The following KAZN variants were observed in gnomAD, a reference collection of about 807,000 sequenced individuals.
KAZN encodes kazrin.
In KAZN, 40 loss-of-function variants were observed where a neutral mutation model predicts 87.4. The observed-to-expected ratio is 0.46, with a 90% CI of 0.36 to 0.60. The LOEUF (loss-of-function observed/expected upper bound fraction) is 0.60. KAZN is among the 20% of genes least tolerant of loss of function. The probability of loss-of-function intolerance (pLI) is 0.00; values close to 1 mark genes in which losing one functional copy is unlikely to be tolerated. For missense variants in KAZN, 898 were observed against 1,073.9 expected (o/e 0.84, Z 2.29); for synonymous variants, 466 against 458.3 (o/e 1.02, Z -0.22).
intron 1 of KAZN, among the ~76,000 whole-genome samples, chr1:14,649,068 C>G (rs1490154007): frequency 6.6e-6 from 1 of 152,202 alleles, no homozygotes; most frequent in African/African-American, 2.4e-5. Context: ...GATTTGTTTG[C>G]CACTGGATCT....
intron 1 of KAZN, among the ~76,000 whole-genome samples, chr1:14,746,227 G>A (rs1408589151): frequency 1.3e-5 from 2 of 152,116 alleles, no homozygotes; most frequent in African/African-American, 4.8e-5. Context: ...GATAGATGGT[G>A]TTCTCTTGAT....
intron 2 of KAZN, among the ~76,000 whole-genome samples, chr1:14,547,531 C>T (rs1230001823): frequency 1.3e-5 from 2 of 152,130 alleles, no homozygotes; most frequent in Admixed American, 6.6e-5. Context: ...TGAATCAAAA[C>T]AAGGTTCCCT....
chr1:14,691,317 A>G (rs944122634), intron 1 of KAZN, among the ~76,000 whole-genome samples: 1 of 152,226 alleles, frequency 6.6e-6, no homozygotes, highest in Admixed American at 6.5e-5. Context: ...CAGTATGTAC[A>G]CTATGATTCC....
chr1:14,042,794 C>T (rs1641896947), intron 1 of KAZN, among the ~76,000 whole-genome samples: 2 of 152,162 alleles, frequency 1.3e-5, no homozygotes, highest in Admixed American at 1.3e-4. Context: ...TTTGATGTAT[C>T]ATCTTTCCAA....
chr1:14,285,208 AC>A (rs749329167), intron 2 of KAZN, among the ~76,000 whole-genome samples: 2 of 152,190 alleles, frequency 1.3e-5, no homozygotes, highest in Non-Finnish European at 2.9e-5. Flanking sequence ...ATTTAGTAAA[AC>A]CATCTCACTA....
intron 2 of KAZN, among the ~76,000 whole-genome samples, chr1:14,376,071 A>G (rs7519457): frequency 0.14 from 20,999 of 152,100 alleles, 1,976 homozygotes; most frequent in African/African-American, 0.27. Flanking sequence ...GATGCAAGCA[A>G]CAGAAAAGAG....
chr1:15,112,442 G>A lies in KAZN; in HGVS notation c.2064G>A (p.Arg688=), dbSNP rs1364645885. ...CTCTCTTCAGCTCCACAGGCATCCGGGAGGCTGAGCGTTTTGGAACGCCCC... is the reference window on the plus strand; with the variant it reads ...CTCTCTTCAGCTCCACAGGCATCCGAGAGGCTGAGCGTTTTGGAACGCCCC... ...VFHPANSTGI[R]EAERFGTPPG... is the part of the protein sequence containing the mutation. Residue 688 remains arginine (R), a synonymous_variant, in exon 14 of 15, where the codon CGG becomes CGA. Coordinates refer to ENST00000376030, the MANE Select transcript of KAZN (RefSeq NM_201628.3). 1 of 1,600,622 alleles carries A rather than the reference G, an allele frequency of 6.2e-7. No homozygotes were observed. The highest frequency in any genetic ancestry group is 8.5e-7 in the Non-Finnish European group (1 of 1,174,128).
rs1191080843 is a variant in KAZN at position 15,056,022 on chromosome 1, G to A, written c.727-69G>A. Reference sequence around the variant, plus strand: ...GGCTTTCTCCCCATGGCGGTGGGTGGTGCCAAGCAGCTGGCCAAGAGTTCC... The same window carrying A: ...GGCTTTCTCCCCATGGCGGTGGGTGATGCCAAGCAGCTGGCCAAGAGTTCC... On this transcript the variant is annotated intron_variant, in intron 4 of 14. Coordinates refer to ENST00000376030, the MANE Select transcript of KAZN (RefSeq NM_201628.3). The surrounding 1 kb of genome is among the most constrained non-coding windows in gnomAD (Gnocchi z 5.4). The A allele has an allele frequency of 6.8e-7, 1 of 1,480,238 alleles. No homozygotes were observed. The highest frequency in any genetic ancestry group is 9.3e-7 in the Non-Finnish European group (1 of 1,076,216). 91.7% of individuals were successfully genotyped at this position (1,480,238 alleles called of 1,614,324 possible).
At chr1:14,819,777 G>A (rs1248023466) in intron 1 of KAZN, among the ~76,000 whole-genome samples, 2 of 144,058 alleles carry the variant, frequency 1.4e-5, no homozygotes, top group Non-Finnish European at 3.0e-5. Context: ...GTACGGTATC[G>A]GCTCATTGCA....
At chr1:14,058,639 C>T (rs1180395694) in intron 1 of KAZN, among the ~76,000 whole-genome samples, 7 of 152,088 alleles carry the variant, frequency 4.6e-5, no homozygotes, top group East Asian at 1.9e-4. Flanking sequence ...CTCAATAGTT[C>T]AGGAACTACT....
chr1:14,853,899 C>T (rs1001576930), intron 1 of KAZN, among the ~76,000 whole-genome samples: 6 of 152,086 alleles, frequency 3.9e-5, no homozygotes, highest in African/African-American at 1.4e-4. Context: ...GGGCAAGAAA[C>T]GAAGATCAGA....
chr1:14,322,992 C>T (rs537776813), intron 2 of KAZN, among the ~76,000 whole-genome samples: 16 of 152,204 alleles, frequency 1.1e-4, no homozygotes, highest in Non-Finnish European at 1.6e-4. Flanking sequence ...CTTCACAAGG[C>T]GGCAGGAAGG....
At chr1:14,738,893 T>G (rs1482407752) in intron 1 of KAZN, among the ~76,000 whole-genome samples, 1 of 152,136 alleles carries the variant, frequency 6.6e-6, no homozygotes, top group Non-Finnish European at 1.5e-5. Context: ...ACCCGTCTGG[T>G]CAAGTGCAAT....
chr1:14,711,598 G>A (rs773150140), intron 1 of KAZN, among the ~76,000 whole-genome samples: 1 of 152,176 alleles, frequency 6.6e-6, no homozygotes, highest in Non-Finnish European at 1.5e-5. Flanking sequence ...TGTCTTGCTA[G>A]TGCACTCTCT....
intron 4 of KAZN, among the ~76,000 whole-genome samples, chr1:15,050,073 GAGTAGAGTAC>G (rs1268634053): frequency 5.3e-5 from 5 of 93,740 alleles, no homozygotes; most frequent in Admixed American, 1.1e-4. Context: ...GGGTAGAGTA[GAGTAGAGTAC>G]AGTAGAGTAC....
chr1:14,008,514 T>C (rs1262200497), intron 1 of KAZN, among the ~76,000 whole-genome samples: 1 of 152,222 alleles, frequency 6.6e-6, no homozygotes, highest in Non-Finnish European at 1.5e-5. Context: ...AAGAAACTAA[T>C]GTGTGTCAAA....
intron 2 of KAZN, among the ~76,000 whole-genome samples, chr1:14,322,993 G>A (rs773309034): frequency 6.6e-5 from 10 of 152,238 alleles, no homozygotes; most frequent in Admixed American, 3.3e-4. Context: ...TTCACAAGGC[G>A]GCAGGAAGGA....
At chr1:14,087,609 A>T (rs1187974255) in intron 1 of KAZN, among the ~76,000 whole-genome samples, 1 of 152,100 alleles carries the variant, frequency 6.6e-6, no homozygotes, top group African/African-American at 2.4e-5. Context: ...ATGTTTCATC[A>T]GATTGAGGAA....
intron 2 of KAZN, among the ~76,000 whole-genome samples, chr1:14,497,032 G>A (rs1253854458): frequency 1.3e-5 from 2 of 152,040 alleles, no homozygotes; most frequent in African/African-American, 4.8e-5. Context: ...GCAACATTGT[G>A]TTTTATTTTC....
Sources: gnomAD v4.1 joint callset for allele counts (sites outside exome capture counted in the v4.1 genomes callset) on GRCh38, gnomAD v4.1.1 for gene constraint, Gnocchi (gnomAD v3.1) non-coding constraint, MANE v1.5 for transcripts, NCBI Gene and HGNC (gene_info 2026-07-23, HGNC 2026-07-21) for gene names.